Variants in CDKAL1 observed in about 807,000 individuals in gnomAD.
CDKAL1 encodes CDKAL1 threonylcarbamoyladenosine tRNA methylthiotransferase, also known as threonylcarbamoyladenosine tRNA methylthiotransferase.
Under a neutral mutation model 68.2 loss-of-function variants are expected in CDKAL1, and 32 were observed. The ratio of observed to expected loss-of-function variants is 0.47; its 90% CI spans 0.35 to 0.63. The LOEUF (loss-of-function observed/expected upper bound fraction) is 0.63. CDKAL1 is among the 30% of genes least tolerant of loss of function. The probability of loss-of-function intolerance (pLI) is 0.00; values close to 1 mark genes in which losing one functional copy is unlikely to be tolerated. For missense variants in CDKAL1, 606 were observed against 696.7 expected, an observed-to-expected ratio of 0.87 and a Z score of 1.47; for synonymous variants, 234 against 244.3, an observed-to-expected ratio of 0.96 and a Z score of 0.39.
At chr6:20,595,532 A>G (rs764669982) in intron 4 of CDKAL1, among the ~76,000 whole-genome samples, 2 of 151,884 alleles carry the variant, frequency 1.3e-5, no homozygotes, top group Non-Finnish European at 2.9e-5. Context: ...CAGGTCATTT[A>G]TGTTTTTCTC....
intron 9 of CDKAL1, among the ~76,000 whole-genome samples, chr6:20,890,006 G>A (rs983498161): frequency 1.1e-4 from 16 of 152,048 alleles, no homozygotes; most frequent in Non-Finnish European, 1.9e-4. Flanking sequence ...CTCCTGCCTC[G>A]GCCCCCCAAA....
At chr6:20,888,450 A>G (rs563478035) in intron 9 of CDKAL1, among the ~76,000 whole-genome samples, 31 of 148,232 alleles carry the variant, frequency 2.1e-4, no homozygotes, top group Non-Finnish European at 3.6e-4. Context: ...TACATGTGCC[A>G]TGTTGGTGTA....
chr6:20,576,538 T>C (rs755850778), intron 4 of CDKAL1, among the ~76,000 whole-genome samples: 3 of 152,236 alleles, frequency 2.0e-5, no homozygotes, highest in Non-Finnish European at 4.4e-5. Flanking sequence ...TCTTATTTTA[T>C]TAACTTCAAG....
intron 9 of CDKAL1, among the ~76,000 whole-genome samples, chr6:20,943,067 T>C (rs1026251905): frequency 1.3e-5 from 2 of 151,036 alleles, no homozygotes; most frequent in African/African-American, 2.4e-5. Context: ...TTATCTAGTA[T>C]TGTTTCTCTC....
intron 9 of CDKAL1, among the ~76,000 whole-genome samples, chr6:20,891,470 T>G (rs1761392767): frequency 6.6e-6 from 1 of 151,990 alleles, no homozygotes; most frequent in Non-Finnish European, 1.5e-5. Flanking sequence ...CTGTCAGTCA[T>G]CCTTCGCTTC....
At chr6:20,807,099 AATT>A (rs1776603955) in intron 8 of CDKAL1, among the ~76,000 whole-genome samples, 1 of 152,108 alleles carries the variant, frequency 6.6e-6, no homozygotes, top group Non-Finnish European at 1.5e-5. Flanking sequence ...CAGTTCTGGG[AATT>A]ATTGTCAGAA....
intron 12 of CDKAL1, among the ~76,000 whole-genome samples, chr6:21,096,284 C>T (rs1275649928): frequency 2.0e-5 from 3 of 152,160 alleles, no homozygotes; most frequent in Non-Finnish European, 4.4e-5. Context: ...AGAGAAATTT[C>T]GTTTTCTCCA....
At chr6:20,820,671 T>G (rs1244608993) in intron 8 of CDKAL1, among the ~76,000 whole-genome samples, 2 of 152,166 alleles carry the variant, frequency 1.3e-5, no homozygotes, top group Non-Finnish European at 2.9e-5. Flanking sequence ...CTGGTTCGGC[T>G]ACTCTTTTGC....
chr6:21,003,371 T>TATATATATATATACACACACACAC, intron 11 of CDKAL1, among the ~76,000 whole-genome samples: 1 of 49,312 alleles, frequency 2.0e-5, no homozygotes, highest in Non-Finnish European at 3.4e-5. Flanking sequence ...TATATATATA[T>TATATATATATATACACACACACAC]ACACACACAC....
chr6:20,588,981 A>T (rs1295823479), intron 4 of CDKAL1, among the ~76,000 whole-genome samples: 3 of 152,172 alleles, frequency 2.0e-5, no homozygotes, highest in Non-Finnish European at 4.4e-5. Context: ...TTATGGTTTT[A>T]TGTGAATCAA....
chr6:20,736,943 T>C (rs1356844815), intron 5 of CDKAL1, among the ~76,000 whole-genome samples: 2 of 152,240 alleles, frequency 1.3e-5, no homozygotes, highest in African/African-American at 2.4e-5. Flanking sequence ...ACCAGTGTTA[T>C]GTTCTCAAAG....
At chr6:20,953,601 A>T (rs1379640470) in intron 9 of CDKAL1, among the ~76,000 whole-genome samples, 1 of 152,184 alleles carries the variant, frequency 6.6e-6, no homozygotes, top group South Asian at 2.1e-4. Flanking sequence ...AAAAGATTGT[A>T]TGAGTCCAGC....
At chr6:20,725,801 A>AG (rs886939829) in intron 5 of CDKAL1, among the ~76,000 whole-genome samples, 3 of 151,506 alleles carry the variant, frequency 2.0e-5, no homozygotes, top group Non-Finnish European at 2.9e-5. Context: ...AAAAAAAAAA[A>AG]AAAGAAAAAG....
intron 13 of CDKAL1, among the ~76,000 whole-genome samples, chr6:21,151,019 T>C (rs1333913203): frequency 1.3e-5 from 2 of 152,178 alleles, no homozygotes; most frequent in Non-Finnish European, 2.9e-5. Flanking sequence ...CTACAAAAGA[T>C]ACCAAATGTT....
intron 10 of CDKAL1, among the ~76,000 whole-genome samples, chr6:20,989,814 T>C (rs1340384516): frequency 6.6e-6 from 1 of 152,172 alleles, no homozygotes; most frequent in East Asian, 1.9e-4. Flanking sequence ...ACAGCAAAAT[T>C]GAGTTTTTCA....
rs2150841577 is a variant in CDKAL1 at position 21,011,801 on chromosome 6, C to G, written c.1055+11429C>G. On this transcript the variant is annotated intron_variant, in intron 11 of 15. Transcript: ENST00000274695. ...TTATACTTTATAGGTTTCATTTTAT[C>G]CGTGATATCATTAAATCTACCAGTA... is the stretch of plus-strand genomic sequence containing the variant. Among the ~76,000 whole-genome samples the G allele has an allele frequency of 2.6e-5, 4 of 152,180 alleles. No individual in the cohort carries two copies. In the Middle Eastern group the frequency reaches 0.014, roughly 518 times the overall value.
chr6:20,546,557 C>CT (rs770543179), intron 3 of CDKAL1, 34 bp downstream of exon 3: 1,517 of 1,546,696 alleles, frequency 9.8e-4, no homozygotes, highest in Middle Eastern at 1.4e-3. Flanking sequence ...TATTCATTTT[C>CT]TTTTTTTTTC....
chr6:20,644,132 CTGCT>C (rs1279862991), intron 4 of CDKAL1, among the ~76,000 whole-genome samples: 2 of 84,438 alleles, frequency 2.4e-5, no homozygotes, highest in South Asian at 7.6e-4. Context: ...CGTGTCTGGC[CTGCT>C]TTTTTTTTTT....
intron 15 of CDKAL1, among the ~76,000 whole-genome samples, chr6:21,221,676 ACT>A (rs934372436): frequency 1.8e-4 from 28 of 152,144 alleles, no homozygotes; most frequent in African/African-American, 6.7e-4. Flanking sequence ...CCTGTTCTAA[ACT>A]CTAATTTATC....
Sources: allele counts gnomAD v4.1 joint callset (sites outside exome capture counted in the v4.1 genomes callset), GRCh38; gene constraint gnomAD v4.1.1; transcripts MANE v1.5; gene names NCBI Gene and HGNC (gene_info 2026-07-23, HGNC 2026-07-21).